Variants in SLCO5A1 observed in about 807,000 individuals in gnomAD.
The protein encoded by SLCO5A1 is solute carrier organic anion transporter family member 5A1.
In SLCO5A1, 39 loss-of-function variants were observed where a neutral mutation model predicts 65.1. That is an observed-to-expected ratio of 0.60 (90% CI 0.46 to 0.78). SLCO5A1 has a LOEUF of 0.78. Ranked by LOEUF, SLCO5A1 falls within the 30% of genes least tolerant of loss-of-function variation. The probability of loss-of-function intolerance (pLI) is 0.00; values close to 1 mark genes in which losing one functional copy is unlikely to be tolerated. For missense variants in SLCO5A1, 1,029 were observed against 1,069.4 expected (o/e 0.96, Z 0.53); for synonymous variants, 438 against 415.7 (o/e 1.05, Z -0.65).
rs755473832 is a variant in SLCO5A1, at chr8:69,671,216, A to C, written c.*1653T>G. On this transcript the variant is annotated 3_prime_UTR_variant, in exon 10 of 10. Coordinates refer to ENST00000260126, the MANE Select transcript of SLCO5A1 (RefSeq NM_030958.3). ...CTGTTTGACCAATGTCATTCCTAGGAAGAGAGGGAAACAGCCTTATACCCA... is the reference window on the plus strand; with the variant it reads ...CTGTTTGACCAATGTCATTCCTAGGCAGAGAGGGAAACAGCCTTATACCCA... 9 of 152,240 alleles carry C rather than the reference A, an allele frequency of 5.9e-5. No homozygotes were observed. The highest frequency in any genetic ancestry group is 8.8e-5 in the Non-Finnish European group (6 of 68,072). The allele number at this position is 152,240 out of a possible 1,614,324, so 9.4% of individuals were successfully genotyped here. A position where few individuals can be genotyped will look rare whatever the true frequency, so the allele number is the denominator to read the frequency against.
At chr8:69,765,480 T>A (rs1298151803) in intron 2 of SLCO5A1, among the ~76,000 whole-genome samples, 1 of 152,036 alleles carries the variant, frequency 6.6e-6, no homozygotes, top group Non-Finnish European at 1.5e-5. Flanking sequence ...AGTCATTCTC[T>A]GGGAAGAAAT....
In SLCO5A1 at chr8:69,668,850, A is replaced by T. The variant is rs564479196; in HGVS notation, c.*4019T>A. ...CAAGTGCATGCCACTAAAGGTAACAATGTCACAGCGACTAAAGGGAACAAT... is the reference window on the plus strand; with the variant it reads ...CAAGTGCATGCCACTAAAGGTAACATTGTCACAGCGACTAAAGGGAACAAT... On this transcript the variant is annotated 3_prime_UTR_variant, in exon 10 of 10. Coordinates refer to ENST00000260126, the MANE Select transcript of SLCO5A1 (RefSeq NM_030958.3). 57 of 152,276 alleles carry T rather than the reference A, an allele frequency of 3.7e-4. No individual in the cohort carries two copies. Among genetic ancestry groups the T allele is most frequent in the African/African-American group, 1.2e-3 (51 of 41,536 alleles). The allele number at this position is 152,276 out of a possible 1,614,324, so 9.4% of individuals were successfully genotyped here.
chr8:69,711,656 T>G (rs1409460124), intron 5 of SLCO5A1, among the ~76,000 whole-genome samples: 1 of 152,198 alleles, frequency 6.6e-6, no homozygotes, highest in Non-Finnish European at 1.5e-5. Flanking sequence ...ATCCCCTAAG[T>G]TCAAATCTCA....
At chr8:69,828,540 T>C (rs1821024584) in intron 2 of SLCO5A1, among the ~76,000 whole-genome samples, 1 of 150,768 alleles carries the variant, frequency 6.6e-6, no homozygotes, top group Non-Finnish European at 1.5e-5. Context: ...AGGCGGAGCT[T>C]CCAGTGAGCC....
At chr8:69,769,417 G>A (rs1476228206) in intron 2 of SLCO5A1, among the ~76,000 whole-genome samples, 1 of 152,138 alleles carries the variant, frequency 6.6e-6, no homozygotes, top group Non-Finnish European at 1.5e-5. Context: ...AAGCACTGAA[G>A]TGAACATCCT....
intron 2 of SLCO5A1, among the ~76,000 whole-genome samples, chr8:69,821,674 C>T (rs1212194880): frequency 6.6e-6 from 1 of 151,588 alleles, no homozygotes; most frequent in Non-Finnish European, 1.5e-5. Context: ...CACACATGTG[C>T]ACACTTGTAG....
At chr8:69,687,132 T>C (rs1186097185) in intron 6 of SLCO5A1, among the ~76,000 whole-genome samples, 3 of 152,202 alleles carry the variant, frequency 2.0e-5, no homozygotes, top group African/African-American at 7.2e-5. Flanking sequence ...ATGACATTTT[T>C]CCTTTCAAAA....
At chr8:69,828,872 G>A (rs1304233199) in intron 2 of SLCO5A1, among the ~76,000 whole-genome samples, 1 of 152,216 alleles carries the variant, frequency 6.6e-6, no homozygotes, top group Non-Finnish European at 1.5e-5. Context: ...TCTCAGGGCT[G>A]TTGTTAGTGG....
chr8:69,801,368 A>G (rs2130903249), intron 2 of SLCO5A1, among the ~76,000 whole-genome samples: 1 of 152,350 alleles, frequency 6.6e-6, no homozygotes, highest in South Asian at 2.1e-4. Context: ...AAAATCCAAG[A>G]GTCTTTTTTT....
At position 69,679,408 on chromosome 8, in the gene SLCO5A1, G is replaced by C. The variant is rs1347073574; in HGVS notation, c.1994C>G (p.Ala665Gly). ...TGTTACTATGATAGCTGATGGTTGG[G>C]CACATGCTGTGATGAAGGTGACTAT... is the stretch of plus-strand genomic sequence containing the variant. ...LFIVTFITAC[A>G]QPSAIIVTLR... is the part of the protein sequence containing the mutation. The change falls in exon 8 of 10, where the codon GCC becomes GGC. Residue 665 changes from alanine to glycine, a missense_variant. Ala to Gly is a moderately conservative substitution (Grantham distance 60). Coordinates refer to ENST00000260126, the MANE Select transcript of SLCO5A1 (RefSeq NM_030958.3). 7 of 1,614,178 alleles carry C rather than the reference G, an allele frequency of 4.3e-6. No individual in the cohort carries two copies. The South Asian group carries it at 7.7e-5, about 18-fold the overall frequency.
intron 2 of SLCO5A1, among the ~76,000 whole-genome samples, chr8:69,773,776 G>A (rs1818444295): frequency 6.6e-6 from 1 of 152,290 alleles, no homozygotes; most frequent in African/African-American, 2.4e-5. Flanking sequence ...TCAGTAGACA[G>A]GTGACCAACC....
chr8:69,787,678 T>C (rs1331038914), intron 2 of SLCO5A1, among the ~76,000 whole-genome samples: 1 of 152,116 alleles, frequency 6.6e-6, no homozygotes, highest in East Asian at 1.9e-4. Context: ...TCAAATCAGG[T>C]CAGGTTAGGC....
Position 69,672,801 on chromosome 8 carries a change from G to T in SLCO5A1, c.*68C>A. Reference sequence around the variant, plus strand: ...AAAAAAAAGAAAGAAAGAAAAGAAGGCACAGTTGTTTCTCAAGTCGCCATT... The same window carrying T: ...AAAAAAAAGAAAGAAAGAAAAGAAGTCACAGTTGTTTCTCAAGTCGCCATT... On this transcript the variant is annotated 3_prime_UTR_variant, in exon 10 of 10. Coordinates refer to ENST00000260126, the MANE Select transcript of SLCO5A1 (RefSeq NM_030958.3). The T allele has an allele frequency of 6.7e-7, 1 of 1,484,928 alleles. No individual in the cohort carries two copies. The highest frequency in any genetic ancestry group is 9.1e-7 in the Non-Finnish European group (1 of 1,103,646). 92.0% of individuals were successfully genotyped at this position (1,484,928 alleles called of 1,614,324 possible).
At chr8:69,771,307 A>G (rs1818311394) in intron 2 of SLCO5A1, among the ~76,000 whole-genome samples, 1 of 152,116 alleles carries the variant, frequency 6.6e-6, no homozygotes, top group African/African-American at 2.4e-5. Flanking sequence ...TTTTAAATGT[A>G]TTTTATCTTT....
chr8:69,705,320 T>A, intron 5 of SLCO5A1, 91 bp from the exon 6 acceptor site: 2 of 1,212,490 alleles, frequency 1.6e-6, no homozygotes, highest in Admixed American at 2.3e-5. Flanking sequence ...AGTACTGAGG[T>A]AAAAAATCAA....
At chr8:69,803,054 C>A (rs1306921332) in intron 2 of SLCO5A1, among the ~76,000 whole-genome samples, 1 of 152,114 alleles carries the variant, frequency 6.6e-6, no homozygotes, top group Non-Finnish European at 1.5e-5. Context: ...ATTGGCTGGG[C>A]GCAGTGTCTC....
At chr8:69,816,900 T>C (rs1226223942) in intron 2 of SLCO5A1, among the ~76,000 whole-genome samples, 1 of 152,232 alleles carries the variant, frequency 6.6e-6, no homozygotes, top group African/African-American at 2.4e-5. Context: ...TTCAAGGACT[T>C]GAACTTTTTA....
intron 2 of SLCO5A1, among the ~76,000 whole-genome samples, chr8:69,821,143 A>T (rs965750081): frequency 6.6e-6 from 1 of 152,150 alleles, no homozygotes; most frequent in Non-Finnish European, 1.5e-5. Flanking sequence ...TCTTGAAGAA[A>T]TACAACTCAA....
intron 5 of SLCO5A1, among the ~76,000 whole-genome samples, chr8:69,736,273 T>G (rs909973304): frequency 1.3e-5 from 2 of 152,228 alleles, no homozygotes; most frequent in African/African-American, 4.8e-5. Context: ...CAGCTCCAAC[T>G]GAACCCTTTA....
Sources: gnomAD v4.1 joint callset for allele counts (sites outside exome capture counted in the v4.1 genomes callset) on GRCh38, gnomAD v4.1.1 for gene constraint, MANE v1.5 for transcripts, NCBI Gene and HGNC (gene_info 2026-07-23, HGNC 2026-07-21) for gene names.